Variants in WWOX observed in about 807,000 individuals in gnomAD.
WWOX encodes the protein WW domain containing oxidoreductase.
Under a neutral mutation model 46.2 loss-of-function variants are expected in WWOX, and 69 were observed. That is an observed-to-expected ratio of 1.49 (90% CI 1.23 to 1.82). WWOX has a LOEUF of 1.82. WWOX is among the 40% of genes most tolerant of loss of function. The probability of loss-of-function intolerance (pLI) is 0.00; values close to 1 mark genes in which losing one functional copy is unlikely to be tolerated. For missense variants in WWOX, 919 were observed against 542.6 expected, an observed-to-expected ratio of 1.69 and a Z score of -6.89; for synonymous variants, 359 against 202.6, an observed-to-expected ratio of 1.77 and a Z score of -6.56.
chr16:78,833,738 T>A (rs1322918784), intron 8 of WWOX, among the ~76,000 whole-genome samples: 1 of 152,236 alleles, frequency 6.6e-6, no homozygotes, highest in Non-Finnish European at 1.5e-5. Context: ...TGAAACTGGG[T>A]ATGACTACAC....
chr16:78,965,637 A>G (rs2046350729), intron 8 of WWOX, among the ~76,000 whole-genome samples: 1 of 151,292 alleles, frequency 6.6e-6, no homozygotes, highest in Non-Finnish European at 1.5e-5. Context: ...AGATTCTGGC[A>G]CTGTTAGCAT....
At chr16:79,054,675 A>T (rs1433547240) in intron 8 of WWOX, among the ~76,000 whole-genome samples, 1 of 152,134 alleles carries the variant, frequency 6.6e-6, no homozygotes, top group Admixed American at 6.5e-5. Flanking sequence ...ATGAAAAATA[A>T]TTAGCCAGGC....
At chr16:78,576,511 C>T (rs2044884207) in intron 8 of WWOX, among the ~76,000 whole-genome samples, 1 of 152,170 alleles carries the variant, frequency 6.6e-6, no homozygotes, top group South Asian at 2.1e-4. Context: ...AGTGGTGAAG[C>T]TGCACAACCA....
At chr16:78,683,502 T>C (rs35907213) in intron 8 of WWOX, among the ~76,000 whole-genome samples, 3,907 of 151,598 alleles carry the variant, frequency 0.026, 81 homozygotes, top group Non-Finnish European at 0.037. Context: ...GTTGTGCCAC[T>C]GCACTCCAGC....
intron 5 of WWOX, among the ~76,000 whole-genome samples, chr16:78,297,588 G>A (rs1421721418): frequency 6.6e-6 from 1 of 152,098 alleles, no homozygotes; most frequent in Non-Finnish European, 1.5e-5. Flanking sequence ...AATGTTTATT[G>A]AACAAATGCC....
At chr16:78,710,498 A>ATATATTTATATATATATATATATT (rs941311575) in intron 8 of WWOX, among the ~76,000 whole-genome samples, 1 of 132,836 alleles carries the variant, frequency 7.5e-6, no homozygotes, top group African/African-American at 2.9e-5. Flanking sequence ...ATATATATAT[A>ATATATTTATATATATATATATATT]TTTATATAAA....
At chr16:79,108,323 C>T (rs1446882462) in intron 8 of WWOX, among the ~76,000 whole-genome samples, 2 of 152,232 alleles carry the variant, frequency 1.3e-5, no homozygotes, top group African/African-American at 4.8e-5. Flanking sequence ...ATACCCAGAG[C>T]TCTTGTTTCT....
intron 8 of WWOX, among the ~76,000 whole-genome samples, chr16:78,947,457 G>A (rs11643794): frequency 0.35 from 52,874 of 152,102 alleles, 10,885 homozygotes; most frequent in Non-Finnish European, 0.44. Context: ...AAGGAGTGAG[G>A]AAACGCTCTC....
In WWOX at chr16:78,618,647, A is replaced by G. The variant is rs191494510; in HGVS notation, c.1056+185895A>G. Among the ~76,000 whole-genome samples, 284 of 152,232 alleles carry G rather than the reference A, an allele frequency of 1.9e-3. 1 individual carries two copies. The highest frequency in any genetic ancestry group is 6.0e-3 in the African/African-American group (248 of 41,548). ...AGTCTGGGACACAGTACGCTCTCAT[A>G]AGAGACCTCTTCTCAACAGGATCCA... is the stretch of plus-strand genomic sequence containing the variant. On this transcript the variant is annotated intron_variant, in intron 8 of 8. Transcript: ENST00000566780.
chr16:79,205,336 T>G (rs981887643), intron 8 of WWOX: 7 of 152,360 alleles, frequency 4.6e-5, no homozygotes, highest in African/African-American at 1.7e-4. Context: ...ACTCTTCACC[T>G]GTCATGGGAG....
At chr16:78,863,378 C>A (rs1377555823) in intron 8 of WWOX, among the ~76,000 whole-genome samples, 1 of 152,120 alleles carries the variant, frequency 6.6e-6, no homozygotes, top group African/African-American at 2.4e-5. Context: ...TAACTATGGA[C>A]CTTGATGAAT....
chr16:78,205,217 A>T (rs930601318), intron 5 of WWOX, among the ~76,000 whole-genome samples: 2 of 152,186 alleles, frequency 1.3e-5, no homozygotes, highest in African/African-American at 4.8e-5. Flanking sequence ...TGTGGGGGTC[A>T]TGGAAGACTT....
chr16:78,221,921 T>C (rs1006795142), intron 5 of WWOX, among the ~76,000 whole-genome samples: 2 of 152,186 alleles, frequency 1.3e-5, no homozygotes, highest in Non-Finnish European at 2.9e-5. Flanking sequence ...TTGTCTTCCT[T>C]ATACATAATC....
chr16:78,229,517 T>C (rs191634777), intron 5 of WWOX, among the ~76,000 whole-genome samples: 2 of 127,398 alleles, frequency 1.6e-5, no homozygotes, highest in African/African-American at 2.6e-5. Flanking sequence ...TATATAGAGA[T>C]ATATATATAT....
chr16:78,295,199 C>G (rs2079924514), intron 5 of WWOX, among the ~76,000 whole-genome samples: 1 of 152,166 alleles, frequency 6.6e-6, no homozygotes, highest in African/African-American at 2.4e-5. Flanking sequence ...ATCTACAACC[C>G]TGCAGATCAG....
At chr16:79,086,431 T>C (rs1240995612) in intron 8 of WWOX, among the ~76,000 whole-genome samples, 2 of 152,216 alleles carry the variant, frequency 1.3e-5, no homozygotes, top group East Asian at 3.9e-4. Flanking sequence ...GGTATTGAGC[T>C]CTAATTTACT....
At chr16:79,130,709 G>T (rs1034798798) in intron 8 of WWOX, among the ~76,000 whole-genome samples, 3 of 152,224 alleles carry the variant, frequency 2.0e-5, no homozygotes, top group Non-Finnish European at 4.4e-5. Flanking sequence ...GAAGTGCTGC[G>T]GTACTGGCGT....
In WWOX at chr16:79,008,908, C is replaced by T. The variant is rs186604440; in HGVS notation, c.1057-202700C>T. Among the ~76,000 whole-genome samples, 7 of 152,236 alleles carry T rather than the reference C, an allele frequency of 4.6e-5. 1 individual carries two copies. The highest frequency in any genetic ancestry group is 2.1e-4 in the South Asian group (1 of 4,824). On this transcript the variant is annotated intron_variant, in intron 8 of 8. Transcript: ENST00000566780. ...AATGAGCAGCGCACACACACAAAGG[C>T]GAGCTAAAAATGTCTCCACCCTTCT...
At chr16:78,641,036 A>G (rs1168527057) in intron 8 of WWOX, among the ~76,000 whole-genome samples, 1 of 152,102 alleles carries the variant, frequency 6.6e-6, no homozygotes, top group African/African-American at 2.4e-5. Flanking sequence ...AATTGTCCTA[A>G]CTGAGCATTA....
Sources: gnomAD v4.1 joint callset for allele counts (sites outside exome capture counted in the v4.1 genomes callset) on GRCh38, gnomAD v4.1.1 for gene constraint, MANE v1.5 for transcripts, NCBI Gene and HGNC (gene_info 2026-07-23, HGNC 2026-07-21) for gene names.